MAGI2: variants seen among roughly 807,000 people sequenced by gnomAD.
MAGI2 encodes the protein membrane-associated guanylate kinase, WW and PDZ domain-containing protein 2.
A neutral mutation model predicts 133.3 loss-of-function variants in MAGI2; 35 were observed. That is an observed-to-expected ratio of 0.26 (90% confidence interval 0.20 to 0.35). The LOEUF (loss-of-function observed/expected upper bound fraction) is 0.35, where lower values mean the gene tolerates loss of function less well. Among genes scored for constraint, MAGI2 ranks in the 10% least tolerant of loss-of-function variants. MAGI2 has a pLI of 1.00. For missense variants in MAGI2, 1,636 were observed against 1,863.4 expected (o/e 0.88, Z 2.25); for synonymous variants, 729 against 710.6 (o/e 1.03, Z -0.41).
chr7:79,353,744 G>A (rs1299424484), intron 1 of MAGI2: 4 of 253,934 alleles, frequency 1.6e-5, no homozygotes, highest in Admixed American at 1.3e-4. Flanking sequence ...CTCCTTCTAG[G>A]TCTGAACCTG....
intron 2 of MAGI2, among the ~76,000 whole-genome samples, chr7:78,893,023 A>G (rs1470334880): frequency 6.6e-6 from 1 of 152,138 alleles, no homozygotes; most frequent in Non-Finnish European, 1.5e-5. Flanking sequence ...GAACTCAAAC[A>G]AATTTACAAG....
At chr7:78,184,413 G>A (rs188728399) in intron 13 of MAGI2, 16 of 152,268 alleles carry the variant, frequency 1.1e-4, no homozygotes, top group African/African-American at 3.8e-4. Context: ...CCCCAAAAAT[G>A]ACATGGAAAC....
chr7:78,561,093 A>G (rs1190577727), intron 3 of MAGI2, among the ~76,000 whole-genome samples: 1 of 152,192 alleles, frequency 6.6e-6, no homozygotes, highest in Non-Finnish European at 1.5e-5. Context: ...TGATACGCAT[A>G]AAATCTTTGG....
chr7:78,785,909 C>T (rs373793017), intron 2 of MAGI2, among the ~76,000 whole-genome samples: 42 of 152,236 alleles, frequency 2.8e-4, no homozygotes, highest in African/African-American at 8.7e-4. Flanking sequence ...CTTGGTGAGA[C>T]TTCATACACT....
intron 7 of MAGI2, among the ~76,000 whole-genome samples, chr7:78,362,735 C>A (rs1023513001): frequency 6.6e-6 from 1 of 152,160 alleles, no homozygotes; most frequent in African/African-American, 2.4e-5. Context: ...TATCCATGCT[C>A]CTTTTGTTCA....
At chr7:78,765,060 G>A in intron 2 of MAGI2, among the ~76,000 whole-genome samples, 1 of 152,192 alleles carries the variant, frequency 6.6e-6, no homozygotes, top group Admixed American at 6.5e-5. Flanking sequence ...GATTTTGCCA[G>A]ACTGATTCTA....
chr7:78,963,027 T>C (rs890744040), intron 2 of MAGI2, among the ~76,000 whole-genome samples: 2 of 152,132 alleles, frequency 1.3e-5, no homozygotes, highest in African/African-American at 4.8e-5. Flanking sequence ...AGAATTTATC[T>C]TCACTTGCTC....
At chr7:79,203,110 C>T (rs886439557) in intron 1 of MAGI2, among the ~76,000 whole-genome samples, 4 of 151,936 alleles carry the variant, frequency 2.6e-5, no homozygotes, top group Non-Finnish European at 1.5e-5. Context: ...TCTTCATCTC[C>T]ACACACGAAA....
intron 21 of MAGI2, among the ~76,000 whole-genome samples, chr7:78,071,554 G>A (rs1187718491): frequency 6.6e-6 from 1 of 152,158 alleles, no homozygotes; most frequent in Non-Finnish European, 1.5e-5. Context: ...AGAAAAAAAA[G>A]AAAGCCCCTG....
intron 1 of MAGI2, chr7:79,125,581 G>T: frequency 3.9e-6 from 2 of 506,532 alleles, no homozygotes; most frequent in Non-Finnish European, 4.0e-6. Flanking sequence ...CAGTGGAGGA[G>T]GTGGAAGTGA....
chr7:79,243,035 G>A (rs376927245), intron 1 of MAGI2, among the ~76,000 whole-genome samples: 16 of 152,092 alleles, frequency 1.1e-4, no homozygotes, highest in African/African-American at 3.4e-4. Flanking sequence ...AGCCAACATG[G>A]TGAAACCCTA....
chr7:78,210,083 A>G (rs939353063), intron 10 of MAGI2, among the ~76,000 whole-genome samples: 14 of 151,946 alleles, frequency 9.2e-5, no homozygotes, highest in African/African-American at 3.4e-4. Context: ...TTTCCTTTAT[A>G]TGGTTCTATT....
intron 2 of MAGI2, among the ~76,000 whole-genome samples, chr7:78,799,716 C>T (rs1787907532): frequency 6.6e-6 from 1 of 152,138 alleles, no homozygotes; most frequent in Non-Finnish European, 1.5e-5. Flanking sequence ...GTCTTAATTC[C>T]TCAGAAGTGC....
At chr7:79,085,843 G>T (rs1816438167) in intron 1 of MAGI2, among the ~76,000 whole-genome samples, 1 of 151,878 alleles carries the variant, frequency 6.6e-6, no homozygotes, top group African/African-American at 2.4e-5. Flanking sequence ...AGCCTTCCAT[G>T]AGGGCCTTTT....
rs1326535165 is a variant in MAGI2, at chr7:78,473,167, A to G, written c.1045+16594T>C. On this transcript the variant is annotated intron_variant, in intron 6 of 21. Transcript: ENST00000354212. ...CCCACAAAAGCAACTGAGCCACAAG[A>G]TCACAGAGCCCATAAAGTGACTCAA... Among the ~76,000 whole-genome samples, 4 of 152,132 alleles carry G rather than the reference A, an allele frequency of 2.6e-5. No homozygotes were observed. In the East Asian group the frequency reaches 7.7e-4, roughly 29 times the overall value.
At chr7:79,271,212 C>T (rs1210149794) in intron 1 of MAGI2, among the ~76,000 whole-genome samples, 3 of 152,116 alleles carry the variant, frequency 2.0e-5, no homozygotes, top group Admixed American at 6.6e-5. Flanking sequence ...CACATATTGA[C>T]GATTCTACAT....
intron 1 of MAGI2, among the ~76,000 whole-genome samples, chr7:79,061,423 T>G (rs1342795494): frequency 6.6e-6 from 1 of 151,982 alleles, no homozygotes; most frequent in Non-Finnish European, 1.5e-5. Context: ...AGAAGTGCTG[T>G]CGGAGATATT....
chr7:78,831,046 G>C (rs1451972762), intron 2 of MAGI2, among the ~76,000 whole-genome samples: 1 of 149,938 alleles, frequency 6.7e-6, no homozygotes, highest in East Asian at 2.0e-4. Flanking sequence ...CATTTGGTTG[G>C]AAGTAGAAAC....
At chr7:78,339,930 TAA>T (rs1354614963) in intron 9 of MAGI2, among the ~76,000 whole-genome samples, 11 of 152,330 alleles carry the variant, frequency 7.2e-5, no homozygotes, top group African/African-American at 2.6e-4. Context: ...AAGGGCACCA[TAA>T]AAAGTTATTT....
Sources: gnomAD v4.1 joint callset for allele counts (sites outside exome capture counted in the v4.1 genomes callset) on GRCh38, gnomAD v4.1.1 for gene constraint, MANE v1.5 for transcripts, NCBI Gene and HGNC (gene_info 2026-07-23, HGNC 2026-07-21) for gene names.